SATB2: variants seen among roughly 807,000 people sequenced by gnomAD.
The protein encoded by SATB2 is SATB homeobox 2.
A neutral mutation model predicts 73.4 loss-of-function variants in SATB2; 1 was observed. The ratio of observed to expected loss-of-function variants is 0.01; its 90% CI spans 0.00 to 0.06. The LOEUF is 0.06. Among genes scored for constraint, SATB2 ranks in the 10% least tolerant of loss-of-function variants. The pLI is 1.00. For synonymous variants in SATB2, 397 were observed against 367.0 expected (o/e 1.08, Z -0.93); for missense variants, 459 against 945.8 (o/e 0.49, Z 6.75).
intron 3 of SATB2, among the ~76,000 whole-genome samples, chr2:199,383,734 A>C (rs932812918): frequency 3.9e-5 from 6 of 152,238 alleles, no homozygotes; most frequent in Non-Finnish European, 7.3e-5. Flanking sequence ...CAAGAGATTC[A>C]TTCAAGCTGT....
chr2:199,325,679 G>A (rs1012562882), intron 8 of SATB2, among the ~76,000 whole-genome samples: 6 of 151,976 alleles, frequency 3.9e-5, no homozygotes, highest in African/African-American at 1.5e-4. Flanking sequence ...TACCTGATTG[G>A]TCAAGCCTTC....
intron 10 of SATB2, among the ~76,000 whole-genome samples, chr2:199,290,504 G>A (rs1692825335): frequency 6.6e-6 from 1 of 152,128 alleles, no homozygotes; most frequent in Admixed American, 6.6e-5. Flanking sequence ...GTCCTAAGGG[G>A]AAATAAAGTA....
chr2:199,353,916 C>T (rs1167182834), intron 6 of SATB2, among the ~76,000 whole-genome samples: 2 of 152,158 alleles, frequency 1.3e-5, no homozygotes, highest in Non-Finnish European at 2.9e-5. Context: ...CCATCTTATC[C>T]CTGCAGTATT....
intron 2 of SATB2, among the ~76,000 whole-genome samples, chr2:199,437,526 A>C (rs1365646425): frequency 6.6e-6 from 1 of 152,178 alleles, no homozygotes; most frequent in Non-Finnish European, 1.5e-5. Context: ...GACATGTGGG[A>C]AAATGGTTAG....
intron 6 of SATB2, among the ~76,000 whole-genome samples, chr2:199,349,868 T>C (rs527738680): frequency 3.0e-4 from 45 of 152,328 alleles, no homozygotes; most frequent in African/African-American, 1.1e-3. Flanking sequence ...TATATTGTGC[T>C]TTAATAAAGA....
At chr2:199,325,954 G>A (rs560311797) in intron 8 of SATB2, 7 of 152,220 alleles carry the variant, frequency 4.6e-5, no homozygotes, top group Non-Finnish European at 8.8e-5. Flanking sequence ...GAGACTGGAG[G>A]TATAATTTCA....
At chr2:199,358,397 TAAA>T (rs1226434243) in intron 6 of SATB2, among the ~76,000 whole-genome samples, 1 of 151,676 alleles carries the variant, frequency 6.6e-6, no homozygotes, top group Non-Finnish European at 1.5e-5. Flanking sequence ...AACGAACAAA[TAAA>T]ACTACCAGAT....
chr2:199,450,343 C>A (rs1457502629), intron 2 of SATB2, among the ~76,000 whole-genome samples: 1 of 152,128 alleles, frequency 6.6e-6, no homozygotes. Flanking sequence ...AATGCTCCAT[C>A]TTTAAATATG....
intron 3 of SATB2, among the ~76,000 whole-genome samples, chr2:199,408,679 C>A (rs1174846813): frequency 2.6e-4 from 35 of 135,106 alleles, no homozygotes; most frequent in Non-Finnish European, 3.6e-4. Context: ...GTTTAGTCCA[C>A]AAAAAAAAAA....
At chr2:199,389,097 G>A (rs995432260) in intron 3 of SATB2, among the ~76,000 whole-genome samples, 1 of 152,058 alleles carries the variant, frequency 6.6e-6, no homozygotes, top group Non-Finnish European at 1.5e-5. Context: ...CCTGACTGTG[G>A]TATATCATCA....
chr2:199,359,513 A>G (rs1262923625), intron 6 of SATB2, among the ~76,000 whole-genome samples: 3 of 152,150 alleles, frequency 2.0e-5, no homozygotes, highest in Admixed American at 1.3e-4. Context: ...TTTTCTCTCA[A>G]TTGACAGATC....
intron 9 of SATB2, among the ~76,000 whole-genome samples, chr2:199,310,137 CCTT>C: frequency 6.6e-6 from 1 of 152,314 alleles, no homozygotes; most frequent in Middle Eastern, 3.4e-3. Context: ...TCCATTTTCT[CCTT>C]CAACTGCCGG....
chr2:199,465,131 T>C (rs1035461116), upstream of SATB2: 3 of 152,220 alleles, frequency 2.0e-5, no homozygotes, highest in African/African-American at 7.2e-5. Context: ...AGGCAACGTT[T>C]TCAAAAACCG....
At chr2:199,350,137 C>G (rs1019294933) in intron 6 of SATB2, among the ~76,000 whole-genome samples, 14 of 151,936 alleles carry the variant, frequency 9.2e-5, no homozygotes, top group Non-Finnish European at 1.5e-4. Context: ...TTTTTCAAAG[C>G]AAAAAATCCA....
intron 6 of SATB2, among the ~76,000 whole-genome samples, chr2:199,363,290 A>G (rs1689190771): frequency 1.3e-5 from 2 of 152,228 alleles, no homozygotes; most frequent in African/African-American, 4.8e-5. Context: ...GTGAGATAAA[A>G]GGTGGCTGAC....
intron 7 of SATB2, among the ~76,000 whole-genome samples, chr2:199,343,053 G>A (rs1483364132): frequency 6.6e-6 from 1 of 151,810 alleles, no homozygotes; most frequent in Non-Finnish European, 1.5e-5. Flanking sequence ...AACTGGGCAG[G>A]GTTTTCTTTT....
intron 10 of SATB2, among the ~76,000 whole-genome samples, chr2:199,296,692 C>T (rs1244810672): frequency 6.7e-6 from 1 of 148,392 alleles, no homozygotes; most frequent in Non-Finnish European, 1.5e-5. Flanking sequence ...AGAGTAAGAC[C>T]CTGTCTCAAA....
chr2:199,467,037 G>A (rs925364518), upstream of SATB2, among the ~76,000 whole-genome samples: 9 of 152,246 alleles, frequency 5.9e-5, no homozygotes, highest in Admixed American at 2.6e-4. Context: ...CCGGCTGGCC[G>A]CCCAGGCTGA....
chr2:199,423,326 G>GA (rs1180553418), intron 3 of SATB2, among the ~76,000 whole-genome samples: 2 of 152,042 alleles, frequency 1.3e-5, no homozygotes, highest in Non-Finnish European at 1.5e-5. Context: ...ATAGACACTT[G>GA]AAAAATATTT....
Sources: allele counts gnomAD v4.1 joint callset (sites outside exome capture counted in the v4.1 genomes callset), GRCh38; gene constraint gnomAD v4.1.1; transcripts MANE v1.5; gene names NCBI Gene and HGNC (gene_info 2026-07-23, HGNC 2026-07-21).